The following PTPN13 variants were observed in gnomAD, a reference collection of about 807,000 sequenced individuals.
PTPN13 encodes protein tyrosine phosphatase non-receptor type 13.
A neutral mutation model predicts 284.0 loss-of-function variants in PTPN13; 191 were observed. The ratio of observed to expected loss-of-function variants is 0.67; its 90% CI spans 0.60 to 0.76. PTPN13 has a LOEUF of 0.76. PTPN13 is among the 30% of genes least tolerant of loss of function. PTPN13 has a pLI of 0.00. For synonymous variants in PTPN13, 986 were observed against 1,022.3 expected (o/e 0.96, Z 0.68); for missense variants, 2,797 against 2,939.9 (o/e 0.95, Z 1.12).
At chr4:86,686,296 A>G (rs1040955702) in intron 3 of PTPN13, among the ~76,000 whole-genome samples, 1 of 152,036 alleles carries the variant, frequency 6.6e-6, no homozygotes, top group Non-Finnish European at 1.5e-5. Context: ...TGGAGGTTGC[A>G]GTGAGCCGAG....
intron 7 of PTPN13, among the ~76,000 whole-genome samples, chr4:86,706,553 G>A (rs1731790437): frequency 6.6e-6 from 1 of 152,114 alleles, no homozygotes. Flanking sequence ...TTTTGGTGGG[G>A]TTCTACTATG....
intron 32 of PTPN13, among the ~76,000 whole-genome samples, 173 bp downstream of exon 32, chr4:86,773,131 A>G (rs970173164): frequency 6.6e-6 from 1 of 152,224 alleles, no homozygotes; most frequent in African/African-American, 2.4e-5. Flanking sequence ...AAATAAGGCA[A>G]AAAGACCTGA....
At chr4:86,807,133 T>A (rs1455401781) in intron 44 of PTPN13, among the ~76,000 whole-genome samples, 1 of 152,184 alleles carries the variant, frequency 6.6e-6, no homozygotes, top group Non-Finnish European at 1.5e-5. Context: ...TACTAAATTG[T>A]GTTCTATGAA....
intron 2 of PTPN13, among the ~76,000 whole-genome samples, chr4:86,637,940 C>G (rs1346515150): frequency 6.6e-6 from 1 of 151,862 alleles, no homozygotes; most frequent in Non-Finnish European, 1.5e-5. Context: ...CCCATCGTCT[C>G]AGCCCAAAAT....
At chr4:86,802,869 C>G (rs1314063559) in intron 42 of PTPN13, among the ~76,000 whole-genome samples, 2 of 152,064 alleles carry the variant, frequency 1.3e-5, no homozygotes, top group African/African-American at 4.8e-5. Flanking sequence ...CCCAGGAGTT[C>G]AGGACCAGCC....
chr4:86,762,015 C>T (rs1360907438), intron 23 of PTPN13, among the ~76,000 whole-genome samples: 1 of 152,224 alleles, frequency 6.6e-6, no homozygotes, highest in Non-Finnish European at 1.5e-5. Flanking sequence ...CCCTGTCACC[C>T]AGGCTGAAGT....
At chr4:86,767,094 T>G (rs1739414632) in intron 27 of PTPN13, among the ~76,000 whole-genome samples, 1 of 151,868 alleles carries the variant, frequency 6.6e-6, no homozygotes, top group Non-Finnish European at 1.5e-5. Context: ...TAGTTTATTT[T>G]TTATTTCTTG....
At chr4:86,662,458 A>ATATAAGCCTCAGCTTAT (rs1578364987) in intron 2 of PTPN13, among the ~76,000 whole-genome samples, 1 of 152,026 alleles carries the variant, frequency 6.6e-6, no homozygotes, top group East Asian at 1.9e-4. Flanking sequence ...CAGCCTCCCA[A>ATATAAGCCTCAGCTTAT]ATACCTGGAA....
At chr4:86,623,737 ATG>A (rs1414227023) in intron 1 of PTPN13, among the ~76,000 whole-genome samples, 23 of 152,300 alleles carry the variant, frequency 1.5e-4, no homozygotes, top group African/African-American at 5.3e-4. Context: ...TCCTATGTAT[ATG>A]CACATCTCAC....
intron 6 of PTPN13, among the ~76,000 whole-genome samples, chr4:86,696,081 T>C (rs986233217): frequency 3.3e-5 from 5 of 152,120 alleles, no homozygotes; most frequent in Admixed American, 6.5e-5. Context: ...AATTGTTACA[T>C]ATTATTTTAA....
At chr4:86,632,061 T>TC (rs762606539) in intron 1 of PTPN13, among the ~76,000 whole-genome samples, 1 of 152,060 alleles carries the variant, frequency 6.6e-6, no homozygotes, top group Non-Finnish European at 1.5e-5. Flanking sequence ...CATCCTTCCT[T>TC]ATATCACCAG....
intron 15 of PTPN13, among the ~76,000 whole-genome samples, chr4:86,738,569 T>G (rs538576837): frequency 6.6e-6 from 1 of 152,382 alleles, no homozygotes; most frequent in African/African-American, 2.4e-5. Context: ...ATATGTTTCC[T>G]TACTGTTAAG....
Position 86,677,694 on chromosome 4 carries a change from G to A in PTPN13, c.294+5151G>A, listed in dbSNP as rs141361094. Among the ~76,000 whole-genome samples the A allele has an allele frequency of 5.4e-3, 816 of 151,592 alleles. 6 individuals are homozygous for A. Among genetic ancestry groups the A allele is most frequent in the South Asian group, 0.026 (125 of 4,814 alleles). ...GCCAAGTCCTAGAGTTTTAATAGGT[G>A]CAAAAGCATTATAGAAAGTTAGGTC... On this transcript the variant is annotated intron_variant, in intron 3 of 47. Transcript: ENST00000411767.
At position 86,803,831 on chromosome 4, in the gene PTPN13, C is replaced by A. The variant is rs1409415087; in HGVS notation, c.6628C>A (p.Gln2210Lys). The A allele has an allele frequency of 1.9e-6, 3 of 1,613,658 alleles. No homozygotes were observed. The highest frequency in any genetic ancestry group is 2.5e-6 in the Non-Finnish European group (3 of 1,179,704). Reference protein sequence around the residue: ...VIRVLRGLLDQGIPSKELENL... With the variant: ...VIRVLRGLLDKGIPSKELENL... ...TCGAGTCCTGCGGGGTTTGCTAGAT[C>A]AAGGAATTCCTTCTAAGGAGCTGGA... The change falls in exon 43 of 48, where the codon CAA (glutamine) becomes AAA (lysine). Residue 2210 changes from glutamine to lysine, a missense_variant. Transcript: ENST00000411767.
rs1741756204 is a variant in PTPN13 at position 86,785,230 on chromosome 4, G to C, written c.6119-1G>C. On this transcript the variant is annotated splice_acceptor_variant, in intron 38 of 47. Transcript: ENST00000411767. LOFTEE classifies it high-confidence loss of function. The stretch of plus-strand genomic sequence containing the variant: ...CCCCATGTAAATTATTATTTTTCAA[G>C]AATCTTATATACAAGAAGATGACAT... 2 of 1,510,570 alleles carry C rather than the reference G, an allele frequency of 1.3e-6. No homozygotes were observed. Among genetic ancestry groups the C allele is most frequent in the Non-Finnish European group, 1.8e-6 (2 of 1,108,780 alleles). 93.6% of individuals were successfully genotyped at this position (1,510,570 alleles called of 1,614,324 possible). A position where few individuals can be genotyped will look rare whatever the true frequency, so the allele number is the denominator to read the frequency against.
intron 32 of PTPN13, among the ~76,000 whole-genome samples, chr4:86,773,379 T>A: frequency 6.6e-6 from 1 of 152,130 alleles, no homozygotes; most frequent in East Asian, 1.9e-4. Context: ...ATGAGTTACC[T>A]ATTTGATTTT....
intron 3 of PTPN13, among the ~76,000 whole-genome samples, chr4:86,681,584 G>A (rs1042369031): frequency 6.6e-6 from 1 of 152,178 alleles, no homozygotes; most frequent in African/African-American, 2.4e-5. Context: ...TTAAATAGCT[G>A]TGTGATCTTG....
intron 2 of PTPN13, among the ~76,000 whole-genome samples, chr4:86,637,570 G>C (rs1463509995): frequency 3.3e-5 from 5 of 150,228 alleles, no homozygotes; most frequent in Admixed American, 2.0e-4. Context: ...CAGAACCAAA[G>C]ACAAAAACCA....
chr4:86,649,008 C>G (rs1315196867), intron 2 of PTPN13, among the ~76,000 whole-genome samples: 2 of 152,108 alleles, frequency 1.3e-5, no homozygotes, highest in Non-Finnish European at 2.9e-5. Context: ...TACTTCTTGG[C>G]CATTTGTATG....
Sources: allele counts gnomAD v4.1 joint callset (sites outside exome capture counted in the v4.1 genomes callset), GRCh38; gene constraint gnomAD v4.1.1; transcripts MANE v1.5; gene names NCBI Gene and HGNC (gene_info 2026-07-23, HGNC 2026-07-21).